Variants in LRRIQ1 observed in about 807,000 individuals in gnomAD.
The protein encoded by LRRIQ1 is leucine-rich repeat- and IQ domain-containing protein 1.
LRRIQ1 carries 210 observed loss-of-function variants against 211.9 expected under a neutral mutation model. The ratio of observed to expected loss-of-function variants is 0.99; its 90% CI spans 0.89 to 1.11. The LOEUF (loss-of-function observed/expected upper bound fraction) is 1.11. Ranked by LOEUF, LRRIQ1 falls within the 50% of genes most tolerant of loss-of-function variation. LRRIQ1 has a pLI of 0.00. For missense variants in LRRIQ1, 2,136 were observed against 1,939.5 expected, an observed-to-expected ratio of 1.10 and a Z score of -1.90; for synonymous variants, 699 against 650.1, an observed-to-expected ratio of 1.08 and a Z score of -1.14.
At chr12:85,119,032 C>T (rs1321012293) in intron 15 of LRRIQ1, among the ~76,000 whole-genome samples, 6 of 151,966 alleles carry the variant, frequency 3.9e-5, no homozygotes, top group Non-Finnish European at 7.4e-5. Flanking sequence ...ACTCAATGCC[C>T]GTAGTTTACA....
chr12:85,150,195 C>T (rs1890150116), intron 19 of LRRIQ1, among the ~76,000 whole-genome samples: 1 of 151,728 alleles, frequency 6.6e-6, no homozygotes, highest in African/African-American at 2.4e-5. Context: ...CATAACCACT[C>T]CTCAGGTGGC....
At chr12:85,203,535 C>T (rs1289117922) in intron 24 of LRRIQ1, among the ~76,000 whole-genome samples, 1 of 151,992 alleles carries the variant, frequency 6.6e-6, no homozygotes, top group Admixed American at 6.6e-5. Context: ...TGGCTTTGCC[C>T]AAAATGCTGA....
Position 85,047,438 on chromosome 12 carries a change from G to A in LRRIQ1, c.646G>A (p.Val216Ile), listed in dbSNP as rs1326339669. 6.2e-7 allele frequency: 1 copy of A among 1,612,432 alleles called. No individual in the cohort carries two copies. Residue 216 changes from valine to isoleucine, a missense_variant, in exon 6 of 27, where the codon GTT (valine) becomes ATT (isoleucine). By Grantham distance (29) the Val-to-Ile change is conservative (BLOSUM62 3). Transcript: ENST00000393217. ...ACATTGCTGGATGAAACAATTTAAA[G>A]TTGAAAAGAAGAAATTAGAGAACAT... ...KRHCWMKQFK[V>I]EKKKLENIQK...
At chr12:85,212,326 AAAG>A (rs1257280485) in intron 24 of LRRIQ1, among the ~76,000 whole-genome samples, 1 of 152,050 alleles carries the variant, frequency 6.6e-6, no homozygotes, top group Admixed American at 6.6e-5. Flanking sequence ...AAAGAAAAGA[AAAG>A]AAAAAAAACA....
intron 1 of LRRIQ1, among the ~76,000 whole-genome samples, chr12:85,258,173 CAT>C (rs1445583533): frequency 9.2e-5 from 14 of 151,638 alleles, no homozygotes; most frequent in African/African-American, 2.7e-4. Flanking sequence ...GTGTTACTCA[CAT>C]GTTTTTTTTT....
At chr12:85,057,405 AT>A (rs1038710024) in intron 8 of LRRIQ1, among the ~76,000 whole-genome samples, 1 of 152,004 alleles carries the variant, frequency 6.6e-6, no homozygotes, top group African/African-American at 2.4e-5. Context: ...TTTGATTTAT[AT>A]TTTTTAATAT....
At chr12:85,150,691 C>T (rs560503984) in intron 19 of LRRIQ1, among the ~76,000 whole-genome samples, 1 of 151,740 alleles carries the variant, frequency 6.6e-6, no homozygotes, top group East Asian at 1.9e-4. Flanking sequence ...ATTTTCAACC[C>T]TTTTCTTTCT....
intron 11 of LRRIQ1, among the ~76,000 whole-genome samples, chr12:85,074,175 A>G (rs549408824): frequency 6.6e-6 from 1 of 152,070 alleles, no homozygotes; most frequent in Non-Finnish European, 1.5e-5. Context: ...AGAATAGTGA[A>G]TGTATCAATC....
chr12:85,163,143 C>T (rs1207304011), intron 24 of LRRIQ1, among the ~76,000 whole-genome samples: 1 of 152,126 alleles, frequency 6.6e-6, no homozygotes, highest in Non-Finnish European at 1.5e-5. Context: ...CTTACCCCTA[C>T]TGCCCAGTAG....
At chr12:85,162,925 G>A (rs1890968404) in intron 24 of LRRIQ1, 2 of 366,720 alleles carry the variant, frequency 5.5e-6, no homozygotes, top group African/African-American at 4.3e-5. Context: ...AGTTTTATAT[G>A]GAAGTTTTTT....
Position 85,121,692 on chromosome 12 carries a change from A to T in LRRIQ1, c.3378-5A>T. 6.4e-7 allele frequency: 1 copy of T among 1,557,820 alleles called. No homozygotes were observed. Among genetic ancestry groups the T allele is most frequent in the Admixed American group, 2.0e-5 (1 of 49,486 alleles). On this transcript the variant is annotated splice_region_variant and splice_polypyrimidine_tract_variant and intron_variant, in intron 15 of 26. Coordinates refer to ENST00000393217, the MANE Select transcript of LRRIQ1 (RefSeq NM_001079910.2). Reference sequence around the variant, plus strand: ...GATTATTAACTTTTTTGTTGTTTTCAATAGGGATTCTCTACTTAAAGTGTT... The same window carrying T: ...GATTATTAACTTTTTTGTTGTTTTCTATAGGGATTCTCTACTTAAAGTGTT...
At chr12:85,075,442 A>G (rs915753215) in intron 11 of LRRIQ1, among the ~76,000 whole-genome samples, 1 of 152,084 alleles carries the variant, frequency 6.6e-6, no homozygotes, top group Non-Finnish European at 1.5e-5. Flanking sequence ...GAGAGGCCTC[A>G]GGAAACTTAC....
At chr12:85,129,252 ATAAAACT>A (rs1888590009) in intron 18 of LRRIQ1, among the ~76,000 whole-genome samples, 1 of 152,208 alleles carries the variant, frequency 6.6e-6, no homozygotes, top group African/African-American at 2.4e-5. Flanking sequence ...GGCTCGGGAA[ATAAAACT>A]TAAAATCAAC....
chr12:85,078,447 A>G (rs1215297777), intron 11 of LRRIQ1, among the ~76,000 whole-genome samples: 1 of 152,170 alleles, frequency 6.6e-6, no homozygotes, highest in Non-Finnish European at 1.5e-5. Flanking sequence ...AGGACAGCCT[A>G]CTTCAGAACC....
chr12:85,261,565 C>G (rs534999484), intron 1 of LRRIQ1, among the ~76,000 whole-genome samples: 6 of 146,590 alleles, frequency 4.1e-5, no homozygotes, highest in African/African-American at 1.5e-4. Flanking sequence ...TTTTTTTTTT[C>G]TCTAACCTTA....
At position 85,103,424 on chromosome 12, in the gene LRRIQ1, G is replaced by A. The variant is rs183783587; in HGVS notation, c.3210-580G>A. 2.3e-4 allele frequency among the ~76,000 whole-genome samples: 35 copies of A among 151,484 alleles called. No homozygotes were observed. In the East Asian group the frequency reaches 6.8e-3, roughly 29 times the overall value. On this transcript the variant is annotated intron_variant, in intron 13 of 26. Coordinates refer to ENST00000393217, the MANE Select transcript of LRRIQ1 (RefSeq NM_001079910.2). Reference sequence around the variant, plus strand: ...GAGTATATTTCCAATTTAAAAGTAAGCCCAGTTTAATTTTGAATACTTACA... The same window carrying A: ...GAGTATATTTCCAATTTAAAAGTAAACCCAGTTTAATTTTGAATACTTACA...
chr12:85,077,851 G>A (rs1422010983), intron 11 of LRRIQ1, among the ~76,000 whole-genome samples: 1 of 151,980 alleles, frequency 6.6e-6, no homozygotes, highest in Non-Finnish European at 1.5e-5. Context: ...AGCCAGGTGG[G>A]CTGGTGCATG....
At position 85,229,635 on chromosome 12, in the gene LRRIQ1, C is replaced by A; in HGVS notation, c.4941C>A (p.Ser1647=). The A allele has an allele frequency of 1.9e-6, 3 of 1,611,174 alleles. No individual in the cohort carries two copies. The highest frequency in any genetic ancestry group is 2.5e-6 in the Non-Finnish European group (3 of 1,179,070). The change falls in exon 25 of 27, where the codon TCC becomes TCA. Residue 1647 remains serine (S), a synonymous_variant. Transcript: ENST00000393217. ...TTGGGGTTCATGAAACGACTAGTTC[C>A]AGAAATATGAAATGGTGAGGTCATT... ...TQVGVHETTS[S]RNMKCNHFLP... is the part of the protein sequence containing the mutation.
At chr12:85,135,839 T>C (rs1389383891) in intron 18 of LRRIQ1, among the ~76,000 whole-genome samples, 1 of 151,936 alleles carries the variant, frequency 6.6e-6, no homozygotes, top group African/African-American at 2.4e-5. Context: ...CTAGAATCAG[T>C]CATTTGTCTA....
Sources: gnomAD v4.1 joint callset for allele counts (sites outside exome capture counted in the v4.1 genomes callset) on GRCh38, gnomAD v4.1.1 for gene constraint, MANE v1.5 for transcripts, NCBI Gene and HGNC (gene_info 2026-07-23, HGNC 2026-07-21) for gene names.